The following A2M variants were observed in gnomAD, a reference collection of about 807,000 sequenced individuals.
A2M encodes alpha-2-macroglobulin, also known as C3 and PZP-like alpha-2-macroglobulin domain-containing protein 5.
In A2M, 128 loss-of-function variants were observed where a neutral mutation model predicts 183.9. That is an observed-to-expected ratio of 0.70 (90% confidence interval 0.60 to 0.81). A2M has a LOEUF of 0.81. Among genes scored for constraint, A2M ranks in the 30% least tolerant of loss-of-function variants. A2M has a pLI of 0.00. For synonymous variants in A2M, 592 were observed against 670.8 expected, an observed-to-expected ratio of 0.88 and a Z score of 1.81; for missense variants, 1,495 against 1,787.6, an observed-to-expected ratio of 0.84 and a Z score of 2.95.
chr12:9,071,150 G>A lies in A2M; in HGVS notation c.4104-572C>T, dbSNP rs531695874. Among the ~76,000 whole-genome samples, 2 of 152,214 alleles carry A rather than the reference G, an allele frequency of 1.3e-5. 1 individual carries two copies. The highest frequency in any genetic ancestry group is 6.8e-3 in the Middle Eastern group (2 of 294). ...TCTGCATTTTAAGAAAGCTCTACAAGTGATGCACAGGCTGTTTGTGACCTC... is the reference window on the plus strand; with the variant it reads ...TCTGCATTTTAAGAAAGCTCTACAAATGATGCACAGGCTGTTTGTGACCTC... On this transcript the variant is annotated intron_variant, in intron 31 of 35. Coordinates refer to ENST00000318602, the MANE Select transcript of A2M (RefSeq NM_000014.6).
chr12:9,087,830 T>C (rs1949093813), intron 22 of A2M, among the ~76,000 whole-genome samples: 1 of 152,146 alleles, frequency 6.6e-6, no homozygotes, highest in Admixed American at 6.5e-5. Context: ...TATGCATATC[T>C]ATGCATATGC....
chr12:9,115,735 A>G (rs749686319), intron 1 of A2M, 29 bp downstream of exon 1: 15 of 1,564,100 alleles, frequency 9.6e-6, no homozygotes, highest in Non-Finnish European at 1.2e-5. Context: ...CTCTAGGTTC[A>G]TGCTTCACGC....
At chr12:9,089,787 G>A (rs1035637365) in intron 21 of A2M, 115 bp downstream of exon 21, 100 of 767,812 alleles carry the variant, frequency 1.3e-4, no homozygotes, top group Non-Finnish European at 1.8e-4. Flanking sequence ...TAAATCAAGA[G>A]AGAGATAGGA....
At position 9,112,059 on chromosome 12, in the gene A2M, T is replaced by A. The variant is rs898478859; in HGVS notation, c.483+100A>T. 5 of 1,081,864 alleles carry A rather than the reference T, an allele frequency of 4.6e-6. No individual in the cohort carries two copies. In the Admixed American group the frequency reaches 8.5e-5, roughly 18 times the overall value. The allele number at this position is 1,081,864 out of a possible 1,614,324, so 67.0% of individuals were successfully genotyped here. A position where few individuals can be genotyped will look rare whatever the true frequency, so the allele number is the denominator to read the frequency against. On this transcript the variant is annotated intron_variant, in intron 4 of 35. Coordinates refer to ENST00000318602, the MANE Select transcript of A2M (RefSeq NM_000014.6). ...TAATGCCAGAAGTTACTGTTAATGA[T>A]ACCAGATTCTTCCTCTCCCTGGTCT... is the stretch of plus-strand genomic sequence containing the variant.
chr12:9,072,463 G>A lies in A2M; in HGVS notation c.3999C>T (p.Leu1333=), dbSNP rs757111023. The A allele has an allele frequency of 1.2e-6, 2 of 1,612,412 alleles. No homozygotes were observed. The highest frequency in any genetic ancestry group is 1.7e-6 in the Non-Finnish European group (2 of 1,179,526). Residue 1333 remains leucine, a synonymous_variant, in exon 31 of 36, where the codon CTC becomes CTT. Coordinates refer to ENST00000318602, the MANE Select transcript of A2M (RefSeq NM_000014.6). ...YLQTSLKYNI[L]PEKEEFPFAL... ...CAAAGGGGAACTCTTCCTTTTCTGG[G>A]AGAATATTGTATTTCAAGGATGTCT...
intron 20 of A2M, 47 bp downstream of exon 20, chr12:9,090,309 T>C (rs747122422): frequency 6.2e-7 from 1 of 1,613,060 alleles, no homozygotes; most frequent in Non-Finnish European, 8.5e-7. Context: ...CCCACTGCCA[T>C]ATACAATCTT....
chr12:9,089,268 G>A lies in A2M; in HGVS notation c.2719-17C>T. ...TCCTTCAGGCTTTAGGTAAAAGAAA[G>A]AAAAGCTAGTGAGAATGGACTGACC... On this transcript the variant is annotated splice_polypyrimidine_tract_variant and intron_variant, in intron 21 of 35. Transcript: ENST00000318602. 1 of 1,562,708 alleles carries A rather than the reference G, an allele frequency of 6.4e-7. No individual in the cohort carries two copies. Among genetic ancestry groups the A allele is most frequent in the Non-Finnish European group, 8.7e-7 (1 of 1,147,962 alleles).
intron 20 of A2M, 25 bp from the exon 21 acceptor site, chr12:9,090,048 G>T: frequency 6.3e-7 from 1 of 1,578,870 alleles, no homozygotes; most frequent in South Asian, 1.2e-5. Context: ...CAGTAGAAAT[G>T]AATAGCATCT....
chr12:9,082,353 T>C (rs770480997), intron 22 of A2M, among the ~76,000 whole-genome samples: 3 of 152,154 alleles, frequency 2.0e-5, no homozygotes, highest in East Asian at 3.9e-4. Flanking sequence ...CCAGAGGCCA[T>C]TGTAGTACCC....
intron 2 of A2M, among the ~76,000 whole-genome samples, chr12:9,113,105 CT>C (rs11463805): frequency 0.54 from 78,311 of 143,784 alleles, 22,287 homozygotes; most frequent in African/African-American, 0.72. Flanking sequence ...GTCACATTTT[CT>C]TTTTTTTTTT....
chr12:9,077,289 C>T, intron 27 of A2M, 57 bp downstream of exon 27: 1 of 1,466,692 alleles, frequency 6.8e-7, no homozygotes, highest in Non-Finnish European at 9.5e-7. Flanking sequence ...GACAGCAGGT[C>T]AGCAGTTTCA....
chr12:9,104,878 T>C (rs925948383), intron 10 of A2M, among the ~76,000 whole-genome samples: 12 of 152,218 alleles, frequency 7.9e-5, no homozygotes, highest in Non-Finnish European at 1.5e-5. Context: ...TATAGATTAG[T>C]GTCTGAAGTC....
intron 1 of A2M, chr12:9,115,555 G>A: frequency 6.1e-6 from 3 of 491,762 alleles, no homozygotes; most frequent in Non-Finnish European, 1.1e-5. Context: ...CCCTTAGGAA[G>A]GCTTTGCATA....
chr12:9,068,264 C>G (rs756423653), intron 34 of A2M, 40 bp from the exon 35 acceptor site: 2 of 1,589,654 alleles, frequency 1.3e-6, no homozygotes, highest in Non-Finnish European at 1.7e-6. Context: ...GAAATCATTA[C>G]ATGAAGTGAG....
intron 28 of A2M, 116 bp downstream of exon 28, chr12:9,076,640 T>C (rs371112500): frequency 1.4e-4 from 120 of 875,784 alleles, no homozygotes; most frequent in Middle Eastern, 6.4e-4. Context: ...ATATATATGA[T>C]ATATAGAAAA....
chr12:9,067,882 T>A, intron 35 of A2M, 43 bp from the exon 36 acceptor site: 2 of 1,586,460 alleles, frequency 1.3e-6, no homozygotes, highest in Non-Finnish European at 1.7e-6. Context: ...GATTTGGGTC[T>A]CCATGAGCAG....
intron 21 of A2M, 105 bp from the exon 22 acceptor site, chr12:9,089,356 A>G (rs770260779): frequency 8.2e-6 from 7 of 856,322 alleles, no homozygotes; most frequent in African/African-American, 1.7e-5. Flanking sequence ...AAGGATTTGA[A>G]CTGTATTATC....
At chr12:9,087,350 ATTTATGGCAGCATGAT>A (rs1055118795) in intron 22 of A2M, among the ~76,000 whole-genome samples, 10 of 152,194 alleles carry the variant, frequency 6.6e-5, no homozygotes, top group Non-Finnish European at 1.3e-4. Flanking sequence ...ACATTCTGCT[ATTTATGGCAGCATGAT>A]TAAATCTGGA....
intron 4 of A2M, among the ~76,000 whole-genome samples, chr12:9,110,819 T>G (rs953025236): frequency 2.0e-5 from 3 of 152,134 alleles, no homozygotes; most frequent in African/African-American, 7.2e-5. Flanking sequence ...TTTTCATTAA[T>G]CTATTTTAAG....
Sources: allele counts gnomAD v4.1 joint callset (sites outside exome capture counted in the v4.1 genomes callset), GRCh38; gene constraint gnomAD v4.1.1; transcripts MANE v1.5; gene names NCBI Gene and HGNC (gene_info 2026-07-23, HGNC 2026-07-21).